The following DRAM1 variants were observed in gnomAD, a reference collection of about 807,000 sequenced individuals.
The protein encoded by DRAM1 is DNA damage regulated autophagy modulator 1, also known as DNA damage-regulated autophagy modulator protein 1.
DRAM1 carries 25 observed loss-of-function variants against 28.5 expected under a neutral mutation model. The observed-to-expected ratio is 0.88, with a 90% CI of 0.64 to 1.23. The LOEUF is 1.23. Among genes scored for constraint, DRAM1 ranks in the 50% most tolerant of loss-of-function variants. The pLI, the probability that DRAM1 is intolerant of heterozygous loss-of-function variation, is 0.00. For synonymous variants in DRAM1, 113 were observed against 114.2 expected (o/e 0.99, Z 0.07); for missense variants, 249 against 299.2 (o/e 0.83, Z 1.24).
rs560834863 is a variant in DRAM1 at position 101,903,846 on chromosome 12, T to G, written c.342+2413T>G. Among the ~76,000 whole-genome samples the G allele has an allele frequency of 4.0e-5, 6 of 151,616 alleles. No homozygotes were observed. In the South Asian group the frequency reaches 1.3e-3, roughly 32 times the overall value. On this transcript the variant is annotated intron_variant, in intron 3 of 6. Transcript: ENST00000258534. ...AGGGAAGCCAAGGCAGGAGGAATGC[T>G]TTAGCCCAGGAGTTTGAGACTAGTC...
chr12:101,916,423 G>C (rs1273387073), intron 5 of DRAM1, among the ~76,000 whole-genome samples: 3 of 152,252 alleles, frequency 2.0e-5, no homozygotes, highest in African/African-American at 4.8e-5. Context: ...AGGATCACTT[G>C]CACTCCGGTG....
At chr12:101,885,692 A>G (rs1273534655) in intron 1 of DRAM1, among the ~76,000 whole-genome samples, 1 of 151,644 alleles carries the variant, frequency 6.6e-6, no homozygotes, top group African/African-American at 2.4e-5. Context: ...ATGCCCACCT[A>G]ATTTTTTTTA....
chr12:101,913,551 C>CA (rs1874118831), intron 4 of DRAM1, among the ~76,000 whole-genome samples: 5 of 151,578 alleles, frequency 3.3e-5, no homozygotes. Flanking sequence ...ACTAAAAATA[C>CA]AAAAAATTAG....
intron 3 of DRAM1, among the ~76,000 whole-genome samples, chr12:101,905,540 C>G (rs1238575995): frequency 6.6e-6 from 1 of 151,960 alleles, no homozygotes; most frequent in African/African-American, 2.4e-5. Context: ...CCTTGGCCTC[C>G]CAAAGTGATG....
At chr12:101,901,605 G>A in intron 3 of DRAM1, 172 bp downstream of exon 3, 1 of 729,056 alleles carries the variant, frequency 1.4e-6, no homozygotes, top group Non-Finnish European at 2.2e-6. Context: ...GGAAATCAGG[G>A]CCAGGTGTGG....
At chr12:101,891,001 G>A (rs1346067092) in intron 1 of DRAM1, among the ~76,000 whole-genome samples, 10 of 151,960 alleles carry the variant, frequency 6.6e-5, no homozygotes, top group Non-Finnish European at 1.5e-4. Flanking sequence ...CGCCCGCCTC[G>A]GCCTCCCAAA....
intron 3 of DRAM1, among the ~76,000 whole-genome samples, chr12:101,902,620 A>G (rs1025995021): frequency 2.2e-4 from 33 of 152,244 alleles, no homozygotes; most frequent in Non-Finnish European, 4.1e-4. Flanking sequence ...TACAGATGTC[A>G]GTTTTTAAAC....
intron 3 of DRAM1, among the ~76,000 whole-genome samples, chr12:101,906,711 T>C (rs1030660238): frequency 6.6e-6 from 1 of 151,656 alleles, no homozygotes; most frequent in Non-Finnish European, 1.5e-5. Context: ...AAAAATTAGC[T>C]CAGCGTGGTG....
chr12:101,913,734 G>C (rs79699733), intron 4 of DRAM1, among the ~76,000 whole-genome samples: 1 of 146,862 alleles, frequency 6.8e-6, no homozygotes, highest in Non-Finnish European at 1.5e-5. Context: ...AAAAAGGAAA[G>C]GAAAATAGTA....
chr12:101,878,413 C>T (rs948055664), intron 1 of DRAM1, among the ~76,000 whole-genome samples: 3 of 152,274 alleles, frequency 2.0e-5, no homozygotes, highest in Non-Finnish European at 4.4e-5. Context: ...ACACTGATGT[C>T]ACACTAGTTA....
rs1214191017 is a variant in DRAM1, at chr12:101,923,431, G to A, written c.*2171G>A. The stretch of plus-strand genomic sequence containing the variant: ...AGTACGTGCCTTAATCTTTATCTTT[G>A]TAATGCCACAATGAACAGAGTGCCT... On this transcript the variant is annotated 3_prime_UTR_variant, in exon 7 of 7. Coordinates refer to ENST00000258534, the MANE Select transcript of DRAM1 (RefSeq NM_018370.3). 2 of 152,148 alleles carry A rather than the reference G, an allele frequency of 1.3e-5. No individual in the cohort carries two copies. Among genetic ancestry groups the A allele is most frequent in the African/African-American group, 4.8e-5 (2 of 41,416 alleles). The allele number at this position is 152,148 out of a possible 1,614,324, so 9.4% of individuals were successfully genotyped here.
rs141409209 is a variant in DRAM1 at position 101,895,062 on chromosome 12, C to T, written c.132-2801C>T. Among the ~76,000 whole-genome samples, 187 of 152,228 alleles carry T rather than the reference C, an allele frequency of 1.2e-3. 1 individual carries two copies. The highest frequency in any genetic ancestry group is 6.8e-3 in the Middle Eastern group (2 of 294). ...CTGCTTTTTTCCCCATTACTGGTTC[C>T]CATTCCTGTCTCTCTGCCCATTCAG... is the stretch of plus-strand genomic sequence containing the variant. On this transcript the variant is annotated intron_variant, in intron 1 of 6. Coordinates refer to ENST00000258534, the MANE Select transcript of DRAM1 (RefSeq NM_018370.3).
rs746883897 is a variant in DRAM1 at position 101,897,851 on chromosome 12, T to G, written c.132-12T>G. The G allele has an allele frequency of 6.3e-7, 1 of 1,599,794 alleles. No homozygotes were observed. The highest frequency in any genetic ancestry group is 1.1e-5 in the South Asian group (1 of 90,004). On this transcript the variant is annotated splice_polypyrimidine_tract_variant and intron_variant, in intron 1 of 6. Transcript: ENST00000258534. ...TCTTTCTAATAATTTGGACATTTCT[T>G]CCCTTTGCCAGTGATACGGGAACAA...
At chr12:101,881,805 CTTA>C (rs1211600038) in intron 1 of DRAM1, among the ~76,000 whole-genome samples, 4 of 152,158 alleles carry the variant, frequency 2.6e-5, no homozygotes, top group Non-Finnish European at 4.4e-5. Context: ...CATATCCAGT[CTTA>C]TTATTCACCA....
chr12:101,914,178 T>G lies in DRAM1; in HGVS notation c.525T>G (p.Ile175Met). Residue 175 changes from isoleucine (I) to methionine (M), a missense_variant, in exon 5 of 7, where the codon ATT (isoleucine) becomes ATG (methionine). By Grantham distance (10) the Ile-to-Met change is conservative (BLOSUM62 1). Transcript: ENST00000258534. ...TTAACTGTTTACTTCTTTCAGTGATTGTCTGTGCTTCACTAATTTCCATAA... is the reference window on the plus strand; with the variant it reads ...TTAACTGTTTACTTCTTTCAGTGATGGTCTGTGCTTCACTAATTTCCATAA... ...AVSCAAVIPM[I>M]VCASLISITK... The G allele has an allele frequency of 6.2e-7, 1 of 1,606,484 alleles. No individual in the cohort carries two copies. The highest frequency in any genetic ancestry group is 8.5e-7 in the Non-Finnish European group (1 of 1,177,058).
chr12:101,899,907 T>G (rs1423916581), intron 2 of DRAM1, among the ~76,000 whole-genome samples: 2 of 152,240 alleles, frequency 1.3e-5, no homozygotes, highest in Non-Finnish European at 2.9e-5. Context: ...ATTCTAATGT[T>G]GAAGTGAACA....
chr12:101,884,947 T>C (rs75934940), intron 1 of DRAM1, among the ~76,000 whole-genome samples: 11,095 of 151,910 alleles, frequency 0.073, 430 homozygotes, highest in East Asian at 0.19. Flanking sequence ...TTTTTTTTTT[T>C]TTTGAGATGG....
At chr12:101,882,394 G>A (rs905236165) in intron 1 of DRAM1, among the ~76,000 whole-genome samples, 1 of 151,162 alleles carries the variant, frequency 6.6e-6, no homozygotes, top group Admixed American at 6.6e-5. Context: ...ACAGGCGTGA[G>A]CCACCGCGCC....
At chr12:101,895,569 T>TTTGG (rs1413422450) in intron 1 of DRAM1, among the ~76,000 whole-genome samples, 2 of 131,126 alleles carry the variant, frequency 1.5e-5, no homozygotes, top group Admixed American at 7.5e-5. Flanking sequence ...GGAGGCTATT[T>TTTGG]TTTTTTTTTT....
Sources: gnomAD v4.1 joint callset for allele counts (sites outside exome capture counted in the v4.1 genomes callset) on GRCh38, gnomAD v4.1.1 for gene constraint, MANE v1.5 for transcripts, NCBI Gene and HGNC (gene_info 2026-07-23, HGNC 2026-07-21) for gene names.